Variants in CCSER1 observed in about 807,000 individuals in gnomAD.
CCSER1 encodes serine-rich coiled-coil domain-containing protein 1.
A neutral mutation model predicts 82.0 loss-of-function variants in CCSER1; 41 were observed. That is an observed-to-expected ratio of 0.50 (90% CI 0.39 to 0.65). The LOEUF is 0.65. Among genes scored for constraint, CCSER1 ranks in the 30% least tolerant of loss-of-function variants. CCSER1 has a pLI of 0.00. For synonymous variants in CCSER1, 414 were observed against 383.9 expected (o/e 1.08, Z -0.92); for missense variants, 1,119 against 1,064.2 (o/e 1.05, Z -0.72).
intron 1 of CCSER1, among the ~76,000 whole-genome samples, chr4:90,228,742 A>G (rs1300538169): frequency 1.4e-4 from 22 of 152,222 alleles, no homozygotes; most frequent in Non-Finnish European, 1.5e-5. Context: ...AGAAGAATGT[A>G]TAACTAGAAT....
At chr4:91,573,138 G>A (rs138953995) in intron 10 of CCSER1, among the ~76,000 whole-genome samples, 77 of 152,284 alleles carry the variant, frequency 5.1e-4, no homozygotes, top group African/African-American at 1.8e-3. Flanking sequence ...GTGCTGTGCT[G>A]GGGGGAACCC....
chr4:91,130,886 G>T (rs1041498734), intron 10 of CCSER1, among the ~76,000 whole-genome samples: 1 of 151,312 alleles, frequency 6.6e-6, no homozygotes, highest in African/African-American at 2.4e-5. Flanking sequence ...TATTATTTAG[G>T]TTAAAATATT....
At chr4:90,141,551 A>T (rs1228258966) in intron 1 of CCSER1, among the ~76,000 whole-genome samples, 1 of 152,246 alleles carries the variant, frequency 6.6e-6, no homozygotes, top group Non-Finnish European at 1.5e-5. Context: ...TTTATTTAAC[A>T]TGCAATATGT....
intron 8 of CCSER1, among the ~76,000 whole-genome samples, chr4:90,904,958 T>C (rs183961377): frequency 2.6e-5 from 4 of 152,204 alleles, no homozygotes; most frequent in African/African-American, 9.6e-5. Flanking sequence ...GTGTTTCTCA[T>C]ATCAGGAATA....
chr4:90,295,647 C>A (rs763597263), intron 1 of CCSER1, among the ~76,000 whole-genome samples: 43 of 152,018 alleles, frequency 2.8e-4, no homozygotes, highest in African/African-American at 1.0e-3. Flanking sequence ...ATTTTAGATT[C>A]TTTTTCTTAT....
At chr4:91,178,471 G>C (rs1231810014) in intron 10 of CCSER1, among the ~76,000 whole-genome samples, 1 of 152,126 alleles carries the variant, frequency 6.6e-6, no homozygotes, top group African/African-American at 2.4e-5. Flanking sequence ...CTAAGGACTT[G>C]CTTTATGAAT....
intron 10 of CCSER1, among the ~76,000 whole-genome samples, chr4:91,144,809 A>G (rs1729387815): frequency 6.6e-6 from 1 of 151,748 alleles, no homozygotes; most frequent in Non-Finnish European, 1.5e-5. Flanking sequence ...TTTTTTTTCT[A>G]CTGTGGTTCT....
At chr4:90,263,915 C>T (rs552742823) in intron 1 of CCSER1, among the ~76,000 whole-genome samples, 87 of 152,254 alleles carry the variant, frequency 5.7e-4, no homozygotes, top group African/African-American at 1.9e-3. Context: ...TGAGAGCCAC[C>T]GCCAACCCTC....
intron 5 of CCSER1, among the ~76,000 whole-genome samples, chr4:90,602,019 A>G (rs1467579600): frequency 6.6e-6 from 1 of 152,014 alleles, no homozygotes; most frequent in African/African-American, 2.4e-5. Context: ...AATGTATTGA[A>G]CTGTTTTTGG....
At chr4:90,145,442 C>G (rs1236989367) in intron 1 of CCSER1, among the ~76,000 whole-genome samples, 1 of 152,066 alleles carries the variant, frequency 6.6e-6, no homozygotes, top group African/African-American at 2.4e-5. Context: ...ATTGCTGTAT[C>G]AGTGTGCTTT....
chr4:90,434,620 A>G (rs76482815), intron 4 of CCSER1, among the ~76,000 whole-genome samples: 2,047 of 152,304 alleles, frequency 0.013, 40 homozygotes, highest in African/African-American at 0.046. Context: ...GGTAAAAAGC[A>G]GAAACATAAA....
intron 6 of CCSER1, among the ~76,000 whole-genome samples, chr4:90,703,491 G>A (rs1028419520): frequency 1.2e-4 from 19 of 152,080 alleles, no homozygotes; most frequent in African/African-American, 3.4e-4. Context: ...TATTAGGTCC[G>A]CTTGATGTAG....
intron 10 of CCSER1, among the ~76,000 whole-genome samples, chr4:91,087,156 C>T (rs960613231): frequency 6.6e-6 from 1 of 152,030 alleles, no homozygotes; most frequent in Non-Finnish European, 1.5e-5. Flanking sequence ...AACTGATCAC[C>T]TCCTAAAGTG....
At chr4:90,199,707 T>A (rs1578447374) in intron 1 of CCSER1, among the ~76,000 whole-genome samples, 1 of 152,304 alleles carries the variant, frequency 6.6e-6, no homozygotes, top group South Asian at 2.1e-4. Context: ...CATGGGATCA[T>A]CAAGTCCTGG....
intron 6 of CCSER1, among the ~76,000 whole-genome samples, chr4:90,709,500 A>C (rs1343220167): frequency 6.6e-6 from 1 of 151,968 alleles, no homozygotes; most frequent in Non-Finnish European, 1.5e-5. Context: ...TGTTCTCATC[A>C]TTTAGGTCCC....
intron 8 of CCSER1, among the ~76,000 whole-genome samples, chr4:90,819,296 C>T (rs72663640): frequency 0.044 from 6,704 of 152,190 alleles, 350 homozygotes; most frequent in East Asian, 0.23. Flanking sequence ...GTCCTATCTC[C>T]AAATATCATC....
chr4:90,995,795 C>T (rs1211851243), intron 9 of CCSER1, among the ~76,000 whole-genome samples: 1 of 151,936 alleles, frequency 6.6e-6, no homozygotes. Context: ...ATTTTTAGAA[C>T]CATAAAAGAT....
chr4:90,534,438 CTT>C (rs919937396), intron 5 of CCSER1, among the ~76,000 whole-genome samples: 2 of 122,432 alleles, frequency 1.6e-5, no homozygotes, highest in East Asian at 2.3e-4. Flanking sequence ...CTGTGCCAGC[CTT>C]TTGTGTGTGT....
chr4:90,832,465 C>T (rs1761244403), intron 8 of CCSER1, among the ~76,000 whole-genome samples: 1 of 152,026 alleles, frequency 6.6e-6, no homozygotes, highest in Admixed American at 6.6e-5. Flanking sequence ...TAAGCATCTT[C>T]ATCGCTTTGA....
Sources: allele counts gnomAD v4.1 joint callset (sites outside exome capture counted in the v4.1 genomes callset), GRCh38; gene constraint gnomAD v4.1.1; transcripts MANE v1.5; gene names NCBI Gene and HGNC (gene_info 2026-07-23, HGNC 2026-07-21).